SLC39A10: variants seen among roughly 807,000 people sequenced by gnomAD.
SLC39A10 encodes the protein zinc transporter ZIP10.
SLC39A10 carries 13 observed loss-of-function variants against 65.1 expected under a neutral mutation model. That is an observed-to-expected ratio of 0.20 (90% CI 0.13 to 0.32). The LOEUF (loss-of-function observed/expected upper bound fraction) is 0.32, where lower values mean the gene tolerates loss of function less well. SLC39A10 is among the 10% of genes least tolerant of loss of function. SLC39A10 has a pLI of 1.00. For missense variants in SLC39A10, 831 were observed against 1,018.4 expected, an observed-to-expected ratio of 0.82 and a Z score of 2.50; for synonymous variants, 321 against 342.2, an observed-to-expected ratio of 0.94 and a Z score of 0.68.
At chr2:195,660,054 G>A (rs1449812754) in intron 1 of SLC39A10, among the ~76,000 whole-genome samples, 2 of 151,764 alleles carry the variant, frequency 1.3e-5, no homozygotes, top group Non-Finnish European at 2.9e-5. Flanking sequence ...TTTCGTGAGG[G>A]GGTACATACT....
intron 2 of SLC39A10, among the ~76,000 whole-genome samples, chr2:195,629,268 C>A (rs530263818): frequency 1.5e-3 from 224 of 152,042 alleles, no homozygotes; most frequent in African/African-American, 5.1e-3. Flanking sequence ...GTGGCGGGTG[C>A]CTGTAGTCCC....
chr2:195,681,450 G>A (rs992899458), intron 2 of SLC39A10, among the ~76,000 whole-genome samples: 2 of 152,038 alleles, frequency 1.3e-5, no homozygotes, highest in African/African-American at 2.4e-5. Flanking sequence ...ACTTGAACCC[G>A]GGAGGCAGAG....
intron 1 of SLC39A10, chr2:195,657,685 G>T (rs1166029963): frequency 1.0e-6 from 1 of 961,498 alleles, no homozygotes; most frequent in Non-Finnish European, 1.2e-6. Flanking sequence ...AGGGGGCTGC[G>T]CGCCGGCCGC....
chr2:195,685,689 T>C (rs1168890873), intron 3 of SLC39A10, among the ~76,000 whole-genome samples: 2 of 152,218 alleles, frequency 1.3e-5, no homozygotes, highest in African/African-American at 4.8e-5. Context: ...GTGACCATCC[T>C]AGGCTAAATT....
At chr2:195,703,814 C>T (rs577923533) in intron 3 of SLC39A10, among the ~76,000 whole-genome samples, 44 of 152,152 alleles carry the variant, frequency 2.9e-4, no homozygotes, top group African/African-American at 5.3e-4. Context: ...CCACCACGCC[C>T]GGCTAATTTT....
At chr2:195,703,153 G>T (rs1001367225) in intron 3 of SLC39A10, among the ~76,000 whole-genome samples, 2 of 152,032 alleles carry the variant, frequency 1.3e-5, no homozygotes, top group Non-Finnish European at 2.9e-5. Flanking sequence ...CTATCTCATA[G>T]AACTAATGAG....
At chr2:195,616,049 G>T (rs531616419) in intron 2 of SLC39A10, among the ~76,000 whole-genome samples, 26 of 152,248 alleles carry the variant, frequency 1.7e-4, no homozygotes, top group African/African-American at 6.3e-4. Flanking sequence ...TCCACGGCCT[G>T]GGTGCAAGCG....
chr2:195,624,754 C>T (rs529051880), intron 2 of SLC39A10, among the ~76,000 whole-genome samples: 1 of 151,882 alleles, frequency 6.6e-6, no homozygotes, highest in Admixed American at 6.6e-5. Context: ...TGGCGGGCGC[C>T]TGTAATCCCA....
Position 195,716,817 on chromosome 2 carries a change from A to T in SLC39A10, c.1877A>T (p.His626Leu). The change falls in exon 7 of 10, where the codon CAT becomes CTT. Residue 626 changes from histidine to leucine, a missense_variant. By Grantham distance (99) the His-to-Leu change is moderately conservative. Transcript: ENST00000359634. ...IHEHDLHAAA[H>L]NHHGENKTVL... ...GAGCATGATCTCCATGCTGCTGCAC[A>T]TAACCACCACGGCGAGAACAAAACT... 1.2e-6 allele frequency: 2 copies of T among 1,614,224 alleles called. No homozygotes were observed. Among genetic ancestry groups the T allele is most frequent in the Non-Finnish European group, 1.7e-6 (2 of 1,180,032 alleles).
rs188530156 is a variant in SLC39A10 at position 195,727,990 on chromosome 2, A to G, written c.2147-169A>G. On this transcript the variant is annotated intron_variant, in intron 8 of 9. Coordinates refer to ENST00000359634, the MANE Select transcript of SLC39A10 (RefSeq NM_020342.3). ...GTATCATGCCTTTGAGATTCATCCA[A>G]GTTTTTGCATGCATTATGGTTTAAT... 2.0e-5 allele frequency among the ~76,000 whole-genome samples: 3 copies of G among 152,318 alleles called. No homozygotes were observed. In the East Asian group the frequency reaches 5.8e-4, roughly 29 times the overall value.
At chr2:195,646,378 A>C (rs1483496252) in intron 2 of SLC39A10, among the ~76,000 whole-genome samples, 2 of 152,160 alleles carry the variant, frequency 1.3e-5, no homozygotes, top group African/African-American at 4.8e-5. Context: ...TGTCCCTATC[A>C]CAGTTTCCTA....
At chr2:195,685,181 G>T (rs1690478172) in intron 3 of SLC39A10, among the ~76,000 whole-genome samples, 1 of 152,054 alleles carries the variant, frequency 6.6e-6, no homozygotes, top group Non-Finnish European at 1.5e-5. Flanking sequence ...GAAACTGACA[G>T]AGCCCACAAA....
chr2:195,720,024 A>C (rs970949245), intron 8 of SLC39A10, among the ~76,000 whole-genome samples: 1 of 152,084 alleles, frequency 6.6e-6, no homozygotes, highest in Non-Finnish European at 1.5e-5. Flanking sequence ...TCCTGACCTC[A>C]GGTGATCTGC....
intron 3 of SLC39A10, among the ~76,000 whole-genome samples, chr2:195,705,448 T>C (rs2105809187): frequency 6.6e-6 from 1 of 152,336 alleles, no homozygotes; most frequent in East Asian, 1.9e-4. Context: ...CTGGATATTG[T>C]GAATACAACG....
intron 1 of SLC39A10, chr2:195,674,427 G>A (rs1031635154): frequency 3.2e-5 from 6 of 184,642 alleles, no homozygotes; most frequent in Admixed American, 2.6e-4. Flanking sequence ...ACAGGCACCC[G>A]CCACCAGGCC....
At chr2:195,724,687 C>T (rs1692172535) in intron 8 of SLC39A10, among the ~76,000 whole-genome samples, 1 of 152,074 alleles carries the variant, frequency 6.6e-6, no homozygotes, top group South Asian at 2.1e-4. Flanking sequence ...AAATGAAGAG[C>T]TATACCAGGT....
intron 2 of SLC39A10, among the ~76,000 whole-genome samples, chr2:195,641,043 G>C (rs772735859): frequency 2.6e-4 from 40 of 152,166 alleles, no homozygotes; most frequent in Non-Finnish European, 5.0e-4. Flanking sequence ...ATAGTACATT[G>C]AACAAGGAAC....
chr2:195,637,621 C>T (rs1688719996), intron 2 of SLC39A10, among the ~76,000 whole-genome samples: 2 of 152,170 alleles, frequency 1.3e-5, no homozygotes, highest in African/African-American at 4.8e-5. Flanking sequence ...TGTACAGCTC[C>T]TGTTGGAAGA....
chr2:195,617,046 T>C lies in SLC39A10; in HGVS notation c.-12+10813T>C, dbSNP rs570253879. Among the ~76,000 whole-genome samples, 20 of 152,348 alleles carry C rather than the reference T, an allele frequency of 1.3e-4. No individual in the cohort carries two copies. The East Asian group carries it at 3.1e-3, about 23-fold the overall frequency. On this transcript the variant is annotated intron_variant, in intron 2 of 2. Transcript: ENST00000458054. Reference sequence around the variant, plus strand: ...TAGTTAAACTTACCAATATTTTACATTATGATTTCAGGATTTTGAGACATA... The same window carrying C: ...TAGTTAAACTTACCAATATTTTACACTATGATTTCAGGATTTTGAGACATA...
Sources: gnomAD v4.1 joint callset for allele counts (sites outside exome capture counted in the v4.1 genomes callset) on GRCh38, gnomAD v4.1.1 for gene constraint, MANE v1.5 for transcripts, NCBI Gene and HGNC (gene_info 2026-07-23, HGNC 2026-07-21) for gene names.